Variants in FTO observed in about 807,000 individuals in gnomAD.
FTO encodes the protein alpha-ketoglutarate-dependent dioxygenase FTO.
FTO carries 47 observed loss-of-function variants against 63.9 expected under a neutral mutation model. The observed-to-expected ratio is 0.74, with a 90% CI of 0.58 to 0.94. The LOEUF (loss-of-function observed/expected upper bound fraction) is 0.94. Ranked by LOEUF, FTO falls within the 40% of genes least tolerant of loss-of-function variation. The pLI is 0.00. For missense variants in FTO, 562 were observed against 618.1 expected, an observed-to-expected ratio of 0.91 and a Z score of 0.96; for synonymous variants, 207 against 224.4, an observed-to-expected ratio of 0.92 and a Z score of 0.69.
At chr16:53,917,715 T>C (rs989511309) in intron 7 of FTO, among the ~76,000 whole-genome samples, 4 of 150,152 alleles carry the variant, frequency 2.7e-5, no homozygotes, top group African/African-American at 4.9e-5. Context: ...AGTGAGTGTG[T>C]GTGTGTGTGT....
chr16:53,867,152 G>T (rs1218506875), intron 4 of FTO, among the ~76,000 whole-genome samples: 1 of 151,864 alleles, frequency 6.6e-6, no homozygotes, highest in East Asian at 1.9e-4. Context: ...GAAGTATATT[G>T]TTCTATCTCC....
chr16:53,952,794 A>G (rs2082829888), intron 8 of FTO, among the ~76,000 whole-genome samples: 1 of 152,226 alleles, frequency 6.6e-6, no homozygotes, highest in South Asian at 2.1e-4. Flanking sequence ...CCTAATGCAC[A>G]TGTTTGAAGT....
chr16:53,718,135 A>G (rs958536307), intron 1 of FTO, among the ~76,000 whole-genome samples: 3 of 152,016 alleles, frequency 2.0e-5, no homozygotes, highest in African/African-American at 7.2e-5. Context: ...GTGGTAAATC[A>G]TTTTTCTCAT....
chr16:53,730,888 G>A (rs1192825030), intron 1 of FTO, among the ~76,000 whole-genome samples: 4 of 152,186 alleles, frequency 2.6e-5, no homozygotes, highest in Non-Finnish European at 5.9e-5. Flanking sequence ...TGACCAATTA[G>A]CTTGTTTCAT....
At chr16:53,975,044 T>G (rs2083404702) in intron 8 of FTO, among the ~76,000 whole-genome samples, 1 of 152,108 alleles carries the variant, frequency 6.6e-6, no homozygotes, top group Non-Finnish European at 1.5e-5. Context: ...TGTATATATA[T>G]ATTTCTATTT....
chr16:54,088,771 C>T (rs1441393129), intron 8 of FTO, among the ~76,000 whole-genome samples: 1 of 152,156 alleles, frequency 6.6e-6, no homozygotes, highest in Non-Finnish European at 1.5e-5. Context: ...CAGATCAGAC[C>T]ATGTCCCTTG....
intron 3 of FTO, among the ~76,000 whole-genome samples, chr16:53,834,113 C>T (rs1333225501): frequency 6.6e-6 from 1 of 152,062 alleles, no homozygotes; most frequent in Non-Finnish European, 1.5e-5. Context: ...CAAGCTCCAC[C>T]TCCCAGGTTC....
At chr16:53,822,847 G>A (rs1282854168) in intron 2 of FTO, among the ~76,000 whole-genome samples, 1 of 152,102 alleles carries the variant, frequency 6.6e-6, no homozygotes, top group East Asian at 1.9e-4. Flanking sequence ...GGGGGCTACT[G>A]CTCTAGACAC....
intron 7 of FTO, among the ~76,000 whole-genome samples, chr16:53,916,670 T>C (rs1048184950): frequency 6.6e-6 from 1 of 152,230 alleles, no homozygotes; most frequent in Non-Finnish European, 1.5e-5. Context: ...ACTAAACATA[T>C]ACACAGAGCA....
chr16:53,991,391 GTC>G (rs1209548077), intron 8 of FTO: 2 of 152,188 alleles, frequency 1.3e-5, no homozygotes, highest in African/African-American at 4.8e-5. Flanking sequence ...AGGTAAATGA[GTC>G]TCTGCCATGA....
At chr16:53,985,902 G>A (rs1214686371) in intron 8 of FTO, among the ~76,000 whole-genome samples, 2 of 152,318 alleles carry the variant, frequency 1.3e-5, no homozygotes, top group African/African-American at 4.8e-5. Flanking sequence ...GGCTTAAAGA[G>A]TGTAACCACT....
At chr16:53,757,156 C>T (rs2076943734) in intron 1 of FTO, among the ~76,000 whole-genome samples, 1 of 152,094 alleles carries the variant, frequency 6.6e-6, no homozygotes, top group South Asian at 2.1e-4. Context: ...GATATTTTGA[C>T]ATGTATACAT....
upstream of FTO, chr16:53,704,009 TC>T: frequency 1.4e-6 from 1 of 714,514 alleles, no homozygotes; most frequent in South Asian, 1.6e-5. Flanking sequence ...CTGTGCTAAA[TC>T]CCGTGGCGCT....
intron 1 of FTO, among the ~76,000 whole-genome samples, chr16:53,726,740 A>G (rs1324189598): frequency 6.6e-6 from 1 of 152,176 alleles, no homozygotes; most frequent in Admixed American, 6.5e-5. Context: ...CTGCTTCACA[A>G]TAGGCAGTGG....
chr16:53,764,263 G>A lies in FTO; in HGVS notation c.46-45877G>A, dbSNP rs1341679998. On this transcript the variant is annotated intron_variant, in intron 1 of 8. Transcript: ENST00000471389. Reference sequence around the variant, plus strand: ...TAGAAGAAGGGTATTCGAGGCCTGTGGATAACCATGTGAGAAGGTGAGAAG... The same window carrying A: ...TAGAAGAAGGGTATTCGAGGCCTGTAGATAACCATGTGAGAAGGTGAGAAG... 4.6e-5 allele frequency: 7 copies of A among 152,224 alleles called. No individual in the cohort carries two copies. In the East Asian group the frequency reaches 1.3e-3, roughly 29 times the overall value. The allele number at this position is 152,224 out of a possible 1,614,324, so 9.4% of individuals were successfully genotyped here. A position where few individuals can be genotyped will look rare whatever the true frequency, so the allele number is the denominator to read the frequency against.
intron 8 of FTO, among the ~76,000 whole-genome samples, chr16:54,039,032 G>A (rs2085010425): frequency 6.6e-6 from 1 of 152,214 alleles, no homozygotes; most frequent in African/African-American, 2.4e-5. Context: ...GGAGCAACCC[G>A]AGAGGTGGGC....
intron 1 of FTO, among the ~76,000 whole-genome samples, chr16:53,729,226 C>T (rs1372017049): frequency 6.6e-6 from 1 of 151,734 alleles, no homozygotes; most frequent in Non-Finnish European, 1.5e-5. Flanking sequence ...TCTACCTTGC[C>T]ATCTTAAAAA....
At chr16:54,077,622 C>A (rs2086034345) in intron 8 of FTO, among the ~76,000 whole-genome samples, 1 of 152,110 alleles carries the variant, frequency 6.6e-6, no homozygotes, top group South Asian at 2.1e-4. Flanking sequence ...CAAAGTTCAG[C>A]CAGACAGGAA....
At chr16:53,789,885 AT>A (rs368741741) in intron 1 of FTO, among the ~76,000 whole-genome samples, 1 of 16,504 alleles carries the variant, frequency 6.1e-5, no homozygotes, top group Non-Finnish European at 1.0e-4. Flanking sequence ...CAAATTATAT[AT>A]ACATATACGT....
Sources: gnomAD v4.1 joint callset for allele counts (sites outside exome capture counted in the v4.1 genomes callset) on GRCh38, gnomAD v4.1.1 for gene constraint, MANE v1.5 for transcripts, NCBI Gene and HGNC (gene_info 2026-07-23, HGNC 2026-07-21) for gene names.